The following LRRN1 variants were observed in gnomAD, a reference collection of about 807,000 sequenced individuals.
LRRN1 encodes leucine rich repeat neuronal 1, also known as leucine-rich repeat neuronal protein 1.
In LRRN1, 14 loss-of-function variants were observed where a neutral mutation model predicts 45.8. The observed-to-expected ratio is 0.31, with a 90% CI of 0.20 to 0.48. The LOEUF (loss-of-function observed/expected upper bound fraction) is 0.48. Ranked by LOEUF, LRRN1 falls within the 20% of genes least tolerant of loss-of-function variation. LRRN1 has a pLI of 0.99. For synonymous variants in LRRN1, 359 were observed against 330.1 expected (o/e 1.09, Z -0.95); for missense variants, 789 against 874.2 (o/e 0.90, Z 1.23).
intron 1 of LRRN1, among the ~76,000 whole-genome samples, chr3:3,818,401 G>A (rs1261255065): frequency 2.6e-5 from 4 of 152,156 alleles, no homozygotes; most frequent in Non-Finnish European, 5.9e-5. Flanking sequence ...CCCAGTTGTT[G>A]GTTGATGTTT....
In LRRN1 at chr3:3,806,538, C is replaced by A. The variant is rs80256118; in HGVS notation, c.-279+6619C>A. ...CTTTAAACTGAAGATGGAGTTAATT[C>A]CTTGTAGGAGTTGGTCAGAATTCAG... On this transcript the variant is annotated intron_variant, in intron 1 of 1. Transcript: ENST00000319331. Among the ~76,000 whole-genome samples, 1,978 of 152,192 alleles carry A rather than the reference C, an allele frequency of 0.013. 86 individuals are homozygous for A. The East Asian group carries it at 0.15, about 12-fold the overall frequency.
intron 1 of LRRN1, among the ~76,000 whole-genome samples, chr3:3,803,111 G>GC (rs2106448790): frequency 6.6e-6 from 1 of 152,320 alleles, no homozygotes; most frequent in South Asian, 2.1e-4. Flanking sequence ...TTCTGGGAAA[G>GC]CAAGGAAAAA....
chr3:3,844,767 C>G lies in LRRN1; in HGVS notation c.126C>G (p.Pro42=), dbSNP rs1219017831. Reference sequence around the variant, plus strand: ...AACTTTGCGTATGTGAAATTCGTCCCTGGTTTACCCCACAGTCAACTTACA... The same window carrying G: ...AACTTTGCGTATGTGAAATTCGTCCGTGGTTTACCCCACAGTCAACTTACA... ...CPQLCVCEIR[P]WFTPQSTYRE... Residue 42 remains proline, a synonymous_variant, in exon 2 of 2, where the codon CCC becomes CCG. Coordinates refer to ENST00000319331, the MANE Select transcript of LRRN1 (RefSeq NM_020873.7). 1 of 1,614,000 alleles carries G rather than the reference C, an allele frequency of 6.2e-7. No homozygotes were observed. The highest frequency in any genetic ancestry group is 1.3e-5 in the African/African-American group (1 of 74,910).
At chr3:3,835,501 T>C (rs1024467964) in intron 1 of LRRN1, among the ~76,000 whole-genome samples, 1 of 151,872 alleles carries the variant, frequency 6.6e-6, no homozygotes, top group Admixed American at 6.6e-5. Flanking sequence ...GTGACACATC[T>C]AGTAAGTGGA....
intron 1 of LRRN1, among the ~76,000 whole-genome samples, chr3:3,819,326 A>G (rs1172056815): frequency 6.6e-6 from 1 of 152,180 alleles, no homozygotes; most frequent in Non-Finnish European, 1.5e-5. Context: ...TCTTTAGTTT[A>G]CTAGGGCTGC....
chr3:3,834,609 AAT>A (rs1693466637), intron 1 of LRRN1, among the ~76,000 whole-genome samples: 1 of 129,592 alleles, frequency 7.7e-6, no homozygotes, highest in Non-Finnish European at 1.6e-5. Context: ...TTATATATAT[AAT>A]ATATGTAAAG....
chr3:3,810,060 G>A (rs1247538504), intron 1 of LRRN1, among the ~76,000 whole-genome samples: 2 of 152,182 alleles, frequency 1.3e-5, no homozygotes, highest in Admixed American at 1.3e-4. Flanking sequence ...CTAGACATGA[G>A]AAATATGGAT....
At chr3:3,817,858 TGAG>T (rs1314457052) in intron 1 of LRRN1, among the ~76,000 whole-genome samples, 7 of 152,224 alleles carry the variant, frequency 4.6e-5, no homozygotes, top group South Asian at 2.1e-4. Context: ...ATTTTCTTGA[TGAG>T]GAGAATTATC....
rs576612021 is a variant in LRRN1, at chr3:3,817,664, G to T, written c.-279+17745G>T. Among the ~76,000 whole-genome samples, 7 of 151,778 alleles carry T rather than the reference G, an allele frequency of 4.6e-5. No homozygotes were observed. In the South Asian group the frequency reaches 1.0e-3, roughly 23 times the overall value. On this transcript the variant is annotated intron_variant, in intron 1 of 1. Transcript: ENST00000319331. ...AAATATCACTAGATCAGAGCTAAAG[G>T]CTCCCGTCTTAAGGACATTGGATGT...
chr3:3,828,918 C>T (rs9839248), intron 1 of LRRN1, among the ~76,000 whole-genome samples: 48,536 of 151,778 alleles, frequency 0.32, 8,961 homozygotes, highest in East Asian at 0.6. Context: ...TGATGACTAC[C>T]TTCTTGTACT....
chr3:3,800,080 G>A (rs1692612347), intron 1 of LRRN1, among the ~76,000 whole-genome samples, 161 bp downstream of exon 1: 2 of 148,840 alleles, frequency 1.3e-5, no homozygotes, highest in South Asian at 4.3e-4. Flanking sequence ...CGGAGCTGGG[G>A]AAAATGACGA....
chr3:3,845,667 G>T lies in LRRN1; in HGVS notation c.1026G>T (p.Leu342Phe). 1 of 1,613,974 alleles carries T rather than the reference G, an allele frequency of 6.2e-7. No homozygotes were observed. The highest frequency in any genetic ancestry group is 2.2e-5 in the East Asian group (1 of 44,832). ...AFRSVPALES[L>F]MLNNNALNAI... Reference sequence around the variant, plus strand: ...GAAGTGTCCCTGCTCTGGAAAGCTTGATGCTGAACAACAATGCCTTGAATG... The same window carrying T: ...GAAGTGTCCCTGCTCTGGAAAGCTTTATGCTGAACAACAATGCCTTGAATG... Residue 342 changes from leucine to phenylalanine, a missense_variant, in exon 2 of 2, where the codon TTG becomes TTT. Coordinates refer to ENST00000319331, the MANE Select transcript of LRRN1 (RefSeq NM_020873.7). The surrounding 1 kb of genome is among the most constrained non-coding windows in gnomAD (Gnocchi z 6.5).
intron 1 of LRRN1, among the ~76,000 whole-genome samples, chr3:3,823,405 A>AAG (rs977225557): frequency 5.3e-5 from 8 of 152,130 alleles, no homozygotes; most frequent in Admixed American, 2.0e-4. Context: ...TTAAAAAAAA[A>AAG]AAGAAGAAGA....
intron 1 of LRRN1, chr3:3,822,618 AAAG>A (rs1474407948): frequency 6.6e-6 from 1 of 152,222 alleles, no homozygotes; most frequent in Non-Finnish European, 1.5e-5. Flanking sequence ...GAGAGATCAC[AAAG>A]AATTCTTTAA....
chr3:3,814,669 G>C (rs1190211828), intron 1 of LRRN1, among the ~76,000 whole-genome samples: 3 of 152,172 alleles, frequency 2.0e-5, no homozygotes, highest in African/African-American at 7.2e-5. Context: ...AGAGATTGAA[G>C]GGAGTTCCTT....
At chr3:3,810,714 A>C (rs1692854543) in intron 1 of LRRN1, among the ~76,000 whole-genome samples, 1 of 152,144 alleles carries the variant, frequency 6.6e-6, no homozygotes, top group Non-Finnish European at 1.5e-5. Context: ...CTCTTTAAGA[A>C]AAGGAAAGAA....
At chr3:3,837,388 C>T (rs1459981063) in intron 1 of LRRN1, among the ~76,000 whole-genome samples, 3 of 152,038 alleles carry the variant, frequency 2.0e-5, no homozygotes, top group Non-Finnish European at 4.4e-5. Context: ...GGACCACAAC[C>T]AACCCCACCT....
Position 3,846,124 on chromosome 3 carries a change from G to A in LRRN1, c.1483G>A (p.Gly495Arg), listed in dbSNP as rs2166071. 6.2e-7 allele frequency: 1 copy of A among 1,614,050 alleles called. No individual in the cohort carries two copies. The highest frequency in any genetic ancestry group is 2.2e-5 in the East Asian group (1 of 44,878). ...EISNIQIEDS[G>R]RYTCVAQNVQ... The stretch of plus-strand genomic sequence containing the variant: ...ATCTAACATACAAATTGAAGACTCA[G>A]GAAGATACACATGTGTTGCCCAGAA... Residue 495 changes from glycine (G) to arginine (R), a missense_variant, in exon 2 of 2, where the codon GGA becomes AGA. Coordinates refer to ENST00000319331, the MANE Select transcript of LRRN1 (RefSeq NM_020873.7). This position sits in a 1 kb window ranked among gnomAD's most constrained non-coding sequence, Gnocchi z 5.7.
At chr3:3,814,530 A>G (rs2106454826) in intron 1 of LRRN1, among the ~76,000 whole-genome samples, 1 of 152,114 alleles carries the variant, frequency 6.6e-6, no homozygotes, top group South Asian at 2.1e-4. Flanking sequence ...GTTTGAATGT[A>G]TGCATCCCTC....
Sources: allele counts gnomAD v4.1 joint callset (sites outside exome capture counted in the v4.1 genomes callset), GRCh38; gene constraint gnomAD v4.1.1; non-coding constraint Gnocchi (gnomAD v3.1); transcripts MANE v1.5; gene names NCBI Gene and HGNC (gene_info 2026-07-23, HGNC 2026-07-21).